The following ACSS1 variants were observed in gnomAD, a reference collection of about 807,000 sequenced individuals.
ACSS1 encodes the protein acetyl-coenzyme A synthetase 2-like, mitochondrial.
ACSS1 carries 42 observed loss-of-function variants against 75.3 expected under a neutral mutation model. The ratio of observed to expected loss-of-function variants is 0.56; its 90% CI spans 0.44 to 0.72. The LOEUF (loss-of-function observed/expected upper bound fraction) is 0.72. Among genes scored for constraint, ACSS1 ranks in the 30% least tolerant of loss-of-function variants. The pLI, the probability that ACSS1 is intolerant of heterozygous loss-of-function variation, is 0.00. For synonymous variants in ACSS1, 380 were observed against 376.8 expected, an observed-to-expected ratio of 1.01 and a Z score of -0.10; for missense variants, 782 against 935.7, an observed-to-expected ratio of 0.84 and a Z score of 2.14.
intron 1 of ACSS1, among the ~76,000 whole-genome samples, chr20:25,050,223 T>G (rs2089157004): frequency 6.6e-6 from 1 of 152,096 alleles, no homozygotes; most frequent in African/African-American, 2.4e-5. Context: ...AATCGAGAGC[T>G]TTCACATGAA....
chr20:25,038,302 C>T (rs770117617), intron 2 of ACSS1, among the ~76,000 whole-genome samples: 12 of 152,176 alleles, frequency 7.9e-5, no homozygotes, highest in Non-Finnish European at 1.6e-4. Flanking sequence ...GATCAGAGAG[C>T]AGGGTTCCCA....
At chr20:25,017,373 C>A (rs775371518) in intron 7 of ACSS1, among the ~76,000 whole-genome samples, 1 of 152,210 alleles carries the variant, frequency 6.6e-6, no homozygotes, top group African/African-American at 2.4e-5. Context: ...TGTGGAATTG[C>A]ACCGACAGGT....
intron 6 of ACSS1, among the ~76,000 whole-genome samples, chr20:25,020,414 G>A (rs531235576): frequency 6.6e-6 from 1 of 152,290 alleles, no homozygotes; most frequent in South Asian, 2.1e-4. Context: ...TTAGGGTGAT[G>A]GCCTAGTTCA....
intron 2 of ACSS1, among the ~76,000 whole-genome samples, chr20:25,047,386 A>C (rs2089110857): frequency 8.8e-6 from 1 of 113,182 alleles, no homozygotes; most frequent in African/African-American, 3.6e-5. Context: ...GCCTCCTCCA[A>C]GAGGCCTTCC....
intron 1 of ACSS1, among the ~76,000 whole-genome samples, chr20:25,056,884 C>G (rs532570652): frequency 6.6e-6 from 1 of 152,246 alleles, no homozygotes; most frequent in African/African-American, 2.4e-5. Context: ...GAGCCCACCT[C>G]GCACTTGGCA....
At chr20:25,021,358 T>C (rs933064106) in intron 6 of ACSS1, 31 bp downstream of exon 6, 1 of 1,609,358 alleles carries the variant, frequency 6.2e-7, no homozygotes, top group African/African-American at 1.3e-5. Flanking sequence ...GACACCAGCA[T>C]GGGGTCCCAA....
At chr20:25,039,082 T>C (rs530264078) in intron 2 of ACSS1, among the ~76,000 whole-genome samples, 2 of 152,210 alleles carry the variant, frequency 1.3e-5, no homozygotes, top group East Asian at 3.9e-4. Context: ...CAAGCAAGTA[T>C]CCTGTACCCA....
Position 25,012,776 on chromosome 20 carries a change from T to C in ACSS1, c.1707+36A>G, listed in dbSNP as rs757921217. On this transcript the variant is annotated intron_variant, in intron 11 of 13. Transcript: ENST00000323482. ...CAGGTCCACAGGGGCATCATGGAGGTGTAGGAGTGAAGGAGGAGGCCCAGC... is the reference window on the plus strand; with the variant it reads ...CAGGTCCACAGGGGCATCATGGAGGCGTAGGAGTGAAGGAGGAGGCCCAGC... 1.9e-6 allele frequency: 3 copies of C among 1,612,938 alleles called. No individual in the cohort carries two copies. In the African/African-American group the frequency reaches 4.0e-5, roughly 22 times the overall value.
chr20:25,031,047 T>C (rs1272510664), intron 2 of ACSS1, 89 bp from the exon 3 acceptor site: 1 of 1,297,932 alleles, frequency 7.7e-7, no homozygotes, highest in Non-Finnish European at 1.1e-6. Flanking sequence ...GCAAATTTTA[T>C]GTCATATACA....
At chr20:25,026,879 G>T (rs190968822) in intron 3 of ACSS1, among the ~76,000 whole-genome samples, 1 of 152,328 alleles carries the variant, frequency 6.6e-6, no homozygotes, top group East Asian at 1.9e-4. Flanking sequence ...GGTTGTTTAG[G>T]AATTCTGAGG....
chr20:25,013,781 G>A (rs2088464630), intron 9 of ACSS1, 119 bp from the exon 10 acceptor site: 3 of 1,434,804 alleles, frequency 2.1e-6, no homozygotes, highest in South Asian at 2.7e-5. Flanking sequence ...CCCCTGAGGA[G>A]GGCCCCAAGC....
At chr20:25,039,703 C>T (rs1331251565) in intron 2 of ACSS1, among the ~76,000 whole-genome samples, 1 of 152,252 alleles carries the variant, frequency 6.6e-6, no homozygotes, top group African/African-American at 2.4e-5. Context: ...AACCAGAGCC[C>T]AGGATGCAGT....
intron 2 of ACSS1, among the ~76,000 whole-genome samples, chr20:25,037,711 G>T (rs1447444181): frequency 6.6e-6 from 1 of 152,220 alleles, no homozygotes; most frequent in African/African-American, 2.4e-5. Context: ...TCAGCCTTAG[G>T]GAAGGGAAGC....
intron 2 of ACSS1, among the ~76,000 whole-genome samples, chr20:25,033,015 A>T (rs2088853317): frequency 6.6e-6 from 1 of 152,214 alleles, no homozygotes; most frequent in African/African-American, 2.4e-5. Context: ...AAGGTTTATG[A>T]TAAAAGACGG....
intron 2 of ACSS1, 104 bp downstream of exon 2, chr20:25,047,981 T>C: frequency 2.1e-6 from 2 of 967,582 alleles, no homozygotes; most frequent in South Asian, 3.4e-5. Context: ...AAAGCCAAAA[T>C]GCACTCCCTG....
In ACSS1 at chr20:25,021,519, C is replaced by T; in HGVS notation, c.978G>A (p.Gln326=). 1 of 1,613,964 alleles carries T rather than the reference C, an allele frequency of 6.2e-7. No homozygotes were observed. Among genetic ancestry groups the T allele is most frequent in the Non-Finnish European group, 8.5e-7 (1 of 1,179,892 alleles). The part of the protein sequence containing the change: ...ALTHKLVFDH[Q]PGDIFGCVAD... ...CCACACAGCCAAAGATGTCACCTGGCTGGTGGTCAAACACAAGCTGCAGAG... is the reference window on the plus strand; with the variant it reads ...CCACACAGCCAAAGATGTCACCTGGTTGGTGGTCAAACACAAGCTGCAGAG... Residue 326 remains glutamine (Q), a synonymous_variant, in exon 6 of 14, where the codon CAG becomes CAA. Transcript: ENST00000323482.
intron 1 of ACSS1, 65 bp from the exon 2 acceptor site, chr20:25,048,246 T>A (rs1213881101): frequency 6.8e-7 from 1 of 1,468,364 alleles, no homozygotes; most frequent in African/African-American, 1.4e-5. Context: ...TCGGCCAGGT[T>A]GAGGGGTTGG....
chr20:25,026,294 T>C (rs1383853138), intron 3 of ACSS1, among the ~76,000 whole-genome samples: 2 of 151,882 alleles, frequency 1.3e-5, no homozygotes, highest in Non-Finnish European at 2.9e-5. Context: ...AGGATCCAGG[T>C]CTCCTCCCCT....
intron 3 of ACSS1, among the ~76,000 whole-genome samples, chr20:25,029,436 A>G (rs1408405820): frequency 6.6e-6 from 1 of 152,238 alleles, no homozygotes; most frequent in Non-Finnish European, 1.5e-5. Context: ...AAAATGGTGC[A>G]TCTCCTTAGC....
Sources: allele counts gnomAD v4.1 joint callset (sites outside exome capture counted in the v4.1 genomes callset), GRCh38; gene constraint gnomAD v4.1.1; transcripts MANE v1.5; gene names NCBI Gene and HGNC (gene_info 2026-07-23, HGNC 2026-07-21).